Variants in PALM2AKAP2 observed in about 807,000 individuals in gnomAD.
PALM2AKAP2 encodes the protein PALM2 and AKAP2 fusion, also known as PALM2-AKAP2 fusion protein.
Under a neutral mutation model 71.5 loss-of-function variants are expected in PALM2AKAP2, and 37 were observed. That is an observed-to-expected ratio of 0.52 (90% CI 0.40 to 0.68). The LOEUF is 0.68. Among genes scored for constraint, PALM2AKAP2 ranks in the 30% least tolerant of loss-of-function variants. The probability of loss-of-function intolerance (pLI) is 0.00; values close to 1 mark genes in which losing one functional copy is unlikely to be tolerated. For missense variants in PALM2AKAP2, 1,224 were observed against 1,191.8 expected (o/e 1.03, Z -0.40); for synonymous variants, 468 against 478.8 (o/e 0.98, Z 0.29).
chr9:109,836,896 C>A (rs955118712), intron 1 of PALM2AKAP2, among the ~76,000 whole-genome samples: 1 of 152,162 alleles, frequency 6.6e-6, no homozygotes, highest in Admixed American at 6.5e-5. Flanking sequence ...AACAAATCTA[C>A]ATCTGATTGG....
intron 7 of PALM2AKAP2, chr9:110,024,786 TAAAA>T: frequency 1.8e-6 from 1 of 563,092 alleles, no homozygotes; most frequent in Non-Finnish European, 3.1e-6. Flanking sequence ...GACCCTGTCT[TAAAA>T]AAAAAAAAAG....
At chr9:109,716,807 T>A (rs571262036) in intron 1 of PALM2AKAP2, among the ~76,000 whole-genome samples, 193 of 152,310 alleles carry the variant, frequency 1.3e-3, no homozygotes, top group Non-Finnish European at 2.3e-3. Context: ...CCCACATGTG[T>A]ACATCTAGAA....
intron 3 of PALM2AKAP2, among the ~76,000 whole-genome samples, chr9:110,159,420 G>T (rs1392881533): frequency 2.6e-5 from 4 of 152,190 alleles, no homozygotes; most frequent in Non-Finnish European, 5.9e-5. Flanking sequence ...CCGTTTTGGA[G>T]ATGATAAACC....
intron 1 of PALM2AKAP2, among the ~76,000 whole-genome samples, chr9:109,751,986 A>G (rs1828891654): frequency 6.6e-6 from 1 of 152,198 alleles, no homozygotes; most frequent in Admixed American, 6.5e-5. Flanking sequence ...CATAAAGATA[A>G]CTAAGCAAAG....
intron 1 of PALM2AKAP2, among the ~76,000 whole-genome samples, chr9:109,825,081 C>G (rs1828110510): frequency 6.6e-6 from 1 of 152,168 alleles, no homozygotes; most frequent in Non-Finnish European, 1.5e-5. Flanking sequence ...CGAAACAAGA[C>G]ACCTTGCAAA....
intron 1 of PALM2AKAP2, among the ~76,000 whole-genome samples, chr9:109,755,231 G>A (rs914788923): frequency 6.6e-6 from 1 of 151,980 alleles, no homozygotes; most frequent in African/African-American, 2.4e-5. Flanking sequence ...TCCTCCAACA[G>A]CTTCTCATTC....
upstream of PALM2AKAP2, among the ~76,000 whole-genome samples, chr9:110,047,607 G>A (rs1461037483): frequency 6.6e-6 from 1 of 152,176 alleles, no homozygotes; most frequent in Non-Finnish European, 1.5e-5. Context: ...AGAGTGCAAG[G>A]GCGACTTGCA....
At chr9:109,840,722 C>G (rs1289773114) in intron 1 of PALM2AKAP2, among the ~76,000 whole-genome samples, 1 of 152,220 alleles carries the variant, frequency 6.6e-6, no homozygotes, top group Non-Finnish European at 1.5e-5. Context: ...TGAACAGACA[C>G]TTCTCAAAAG....
At chr9:109,992,602 A>G (rs1832505306) in intron 6 of PALM2AKAP2, among the ~76,000 whole-genome samples, 1 of 152,230 alleles carries the variant, frequency 6.6e-6, no homozygotes, top group East Asian at 1.9e-4. Flanking sequence ...TATTCAAAGT[A>G]TCTTTTTGAG....
intron 1 of PALM2AKAP2, among the ~76,000 whole-genome samples, chr9:109,711,437 A>G (rs1246931840): frequency 3.3e-5 from 5 of 152,254 alleles, no homozygotes; most frequent in African/African-American, 1.2e-4. Context: ...CAAAGTGTAT[A>G]CATTTTTCAT....
chr9:109,824,078 A>C (rs994477028), intron 1 of PALM2AKAP2, among the ~76,000 whole-genome samples: 1 of 152,020 alleles, frequency 6.6e-6, no homozygotes, highest in Non-Finnish European at 1.5e-5. Context: ...TTGTAGAGAC[A>C]GGGTCTCACT....
intron 6 of PALM2AKAP2, among the ~76,000 whole-genome samples, chr9:109,952,819 A>G (rs17806164): frequency 0.048 from 7,298 of 152,344 alleles, 279 homozygotes; most frequent in Admixed American, 0.11. Flanking sequence ...GAGCATACCA[A>G]CGGGTTCAAA....
intron 1 of PALM2AKAP2, among the ~76,000 whole-genome samples, chr9:109,827,569 A>G (rs893330277): frequency 4.1e-4 from 62 of 152,172 alleles, no homozygotes; most frequent in African/African-American, 1.4e-3. Context: ...GGATCGCACC[A>G]CTGCACTCCA....
intron 1 of PALM2AKAP2, among the ~76,000 whole-genome samples, chr9:109,819,196 G>T (rs1827926675): frequency 6.6e-6 from 1 of 152,170 alleles, no homozygotes; most frequent in Non-Finnish European, 1.5e-5. Flanking sequence ...TTGACATTGG[G>T]TTGTAATATT....
intron 1 of PALM2AKAP2, among the ~76,000 whole-genome samples, chr9:110,079,275 C>T (rs766195566): frequency 7.9e-5 from 12 of 152,012 alleles, no homozygotes; most frequent in Non-Finnish European, 1.5e-4. Context: ...GTGGGTAGAT[C>T]ACCTGAGGTC....
chr9:110,080,052 A>T (rs1834412473), intron 1 of PALM2AKAP2, among the ~76,000 whole-genome samples: 1 of 132,030 alleles, frequency 7.6e-6, no homozygotes, highest in Non-Finnish European at 1.6e-5. Context: ...CTTGGGTGAC[A>T]GAGCGAGACT....
intron 6 of PALM2AKAP2, among the ~76,000 whole-genome samples, chr9:109,948,671 G>A (rs760078145): frequency 6.6e-6 from 1 of 151,966 alleles, no homozygotes; most frequent in Non-Finnish European, 1.5e-5. Flanking sequence ...GCAAGTCACT[G>A]CATTTTTACA....
chr9:110,030,051 T>A (rs1833252094), intron 7 of PALM2AKAP2, among the ~76,000 whole-genome samples: 1 of 152,186 alleles, frequency 6.6e-6, no homozygotes, highest in Admixed American at 6.5e-5. Flanking sequence ...TGAAATTTCG[T>A]TGAAAAATCA....
At chr9:109,750,220 A>G (rs1261659138) in intron 1 of PALM2AKAP2, among the ~76,000 whole-genome samples, 1 of 152,218 alleles carries the variant, frequency 6.6e-6, no homozygotes, top group African/African-American at 2.4e-5. Flanking sequence ...TTCTTAGTCC[A>G]GTGATTATTT....
Sources: gnomAD v4.1 joint callset for allele counts (sites outside exome capture counted in the v4.1 genomes callset) on GRCh38, gnomAD v4.1.1 for gene constraint, MANE v1.5 for transcripts, NCBI Gene and HGNC (gene_info 2026-07-23, HGNC 2026-07-21) for gene names.